Variants in REXO5 observed in about 807,000 individuals in gnomAD.
REXO5 encodes the protein exonuclease NEF-sp.
REXO5 carries 48 observed loss-of-function variants against 88.5 expected under a neutral mutation model. The ratio of observed to expected loss-of-function variants is 0.54; its 90% CI spans 0.43 to 0.69. REXO5 has a LOEUF of 0.69. Ranked by LOEUF, REXO5 falls within the 30% of genes least tolerant of loss-of-function variation. REXO5 has a pLI of 0.00. For synonymous variants in REXO5, 311 were observed against 336.5 expected, an observed-to-expected ratio of 0.92 and a Z score of 0.83; for missense variants, 749 against 912.2, an observed-to-expected ratio of 0.82 and a Z score of 2.30.
At chr16:20,832,605 T>C (rs778796489) in intron 12 of REXO5, among the ~76,000 whole-genome samples, 3 of 152,168 alleles carry the variant, frequency 2.0e-5, no homozygotes, top group Non-Finnish European at 4.4e-5. Flanking sequence ...AGCCTTGTTG[T>C]ATTGCCCAGA....
rs866269806 is a variant in REXO5, at chr16:20,815,111, T to C, written c.378+58T>C. On this transcript the variant is annotated intron_variant, in intron 4 of 19. Transcript: ENST00000261377. ...GTCTGTTTTCCCATTCTGAGACTAATACATGTGTCAGGGACCATGCTCCTT... is the reference window on the plus strand; with the variant it reads ...GTCTGTTTTCCCATTCTGAGACTAACACATGTGTCAGGGACCATGCTCCTT... The C allele has an allele frequency of 1.3e-5, 21 of 1,565,490 alleles. No individual in the cohort carries two copies. The African/African-American group carries it at 2.2e-4, about 16-fold the overall frequency.
At chr16:20,813,439 A>G in intron 3 of REXO5, 137 bp downstream of exon 3, 1 of 551,876 alleles carries the variant, frequency 1.8e-6, no homozygotes, top group Non-Finnish European at 3.1e-6. Flanking sequence ...GCTATGCAGC[A>G]TGTCCTGAAT....
chr16:20,822,388 CT>C (rs1272647059), intron 6 of REXO5, among the ~76,000 whole-genome samples: 1 of 152,056 alleles, frequency 6.6e-6, no homozygotes, highest in Non-Finnish European at 1.5e-5. Flanking sequence ...TCTTTGTTAC[CT>C]CCTAATTATA....
At chr16:20,821,622 T>C in intron 5 of REXO5, 140 bp from the exon 6 acceptor site, 1 of 659,004 alleles carries the variant, frequency 1.5e-6, no homozygotes, top group Non-Finnish European at 2.3e-6. Context: ...TGTAATAGAT[T>C]GCAAGCCCCT....
At chr16:20,844,172 C>A (rs2081572442) in intron 16 of REXO5, 146 bp downstream of exon 16, 2 of 597,806 alleles carry the variant, frequency 3.3e-6, no homozygotes, top group Non-Finnish European at 6.0e-6. Flanking sequence ...GTCTAACATT[C>A]TCCTACTGGC....
At position 20,826,685 on chromosome 16, in the gene REXO5, A is replaced by G. The variant is rs747220569; in HGVS notation, c.822-373A>G. On this transcript the variant is annotated intron_variant, in intron 8 of 19. Transcript: ENST00000261377. ...ATTAGTTAAAATATGCTGTATCTGT[A>G]TAATGGAATACTCTGTAACCATTTA... is the stretch of plus-strand genomic sequence containing the variant. Among the ~76,000 whole-genome samples, 7 of 152,380 alleles carry G rather than the reference A, an allele frequency of 4.6e-5. 1 individual carries two copies. Among genetic ancestry groups the G allele is most frequent in the Non-Finnish European group, 1.0e-4 (7 of 68,040 alleles).
Position 20,806,549 on chromosome 16 carries a change from G to C in REXO5, c.-159G>C. On this transcript the variant is annotated 5_prime_UTR_variant, in exon 1 of 20. Coordinates refer to ENST00000261377, the MANE Select transcript of REXO5 (RefSeq NM_030941.3). ...GTTGTTGTTGGCAGCTGTGGCTAAG[G>C]AGGGGAGAACCTCTGCTCCCCGCCC... The C allele has an allele frequency of 1.3e-6, 2 of 1,516,546 alleles. No individual in the cohort carries two copies. The highest frequency in any genetic ancestry group is 2.5e-5 in the South Asian group (2 of 80,658). The allele number at this position is 1,516,546 out of a possible 1,614,324, so 93.9% of individuals were successfully genotyped here. A position where few individuals can be genotyped will look rare whatever the true frequency, so the allele number is the denominator to read the frequency against.
At chr16:20,842,965 G>T (rs891836258) in intron 15 of REXO5, among the ~76,000 whole-genome samples, 3 of 152,152 alleles carry the variant, frequency 2.0e-5, no homozygotes, top group African/African-American at 7.2e-5. Flanking sequence ...TACCAGCAAA[G>T]AACAAAGGTT....
intron 15 of REXO5, among the ~76,000 whole-genome samples, chr16:20,841,870 A>G (rs1049926134): frequency 6.6e-6 from 1 of 152,214 alleles, no homozygotes. Context: ...TGCTGGGATT[A>G]CAGGCATGAG....
Position 20,832,888 on chromosome 16 carries a change from T to A in REXO5, c.1263-115T>A, listed in dbSNP as rs563791884. On this transcript the variant is annotated intron_variant, in intron 12 of 19. Coordinates refer to ENST00000261377, the MANE Select transcript of REXO5 (RefSeq NM_030941.3). ...ATTTTTAATTTTATTTAATTTTAAT[T>A]TTAATAGCTATATATTGCTAGTGGC... 1.8e-4 allele frequency: 163 copies of A among 905,542 alleles called. No individual in the cohort carries two copies. The East Asian group carries it at 4.1e-3, about 23-fold the overall frequency. 56.1% of individuals were successfully genotyped at this position (905,542 alleles called of 1,614,324 possible).
At chr16:20,808,612 A>ATTTTTT (rs751042762) in intron 2 of REXO5, among the ~76,000 whole-genome samples, 2 of 108,420 alleles carry the variant, frequency 1.8e-5, no homozygotes, top group Non-Finnish European at 1.8e-5. Context: ...TAGGGATGTG[A>ATTTTTT]TTTTTTTTTT....
intron 5 of REXO5, 78 bp downstream of exon 5, chr16:20,816,290 A>G (rs919532153): frequency 4.1e-6 from 5 of 1,226,002 alleles, no homozygotes; most frequent in South Asian, 4.0e-5. Flanking sequence ...TTAGCACAAC[A>G]AAACTCAATT....
At chr16:20,844,556 C>A in intron 16 of REXO5, 73 bp from the exon 17 acceptor site, 1 of 1,318,730 alleles carries the variant, frequency 7.6e-7, no homozygotes, top group Non-Finnish European at 1.1e-6. Context: ...GTAATGGCAA[C>A]AACTTGCTAG....
intron 13 of REXO5, among the ~76,000 whole-genome samples, chr16:20,837,551 C>T (rs1486882201): frequency 6.6e-6 from 1 of 152,140 alleles, no homozygotes; most frequent in Non-Finnish European, 1.5e-5. Context: ...TCTTTCCATG[C>T]TTTTCATTAA....
At chr16:20,839,336 T>C (rs1018954792) in intron 13 of REXO5, among the ~76,000 whole-genome samples, 26 of 152,162 alleles carry the variant, frequency 1.7e-4, no homozygotes, top group African/African-American at 5.6e-4. Context: ...TTTTGGGGTT[T>C]TTTTATGCTT....
At chr16:20,828,412 TC>T in intron 10 of REXO5, 22 bp from the exon 11 acceptor site, 1 of 1,491,820 alleles carries the variant, frequency 6.7e-7, no homozygotes, top group East Asian at 2.3e-5. Context: ...TTCCAGTATG[TC>T]AATTTTATAT....
intron 13 of REXO5, among the ~76,000 whole-genome samples, chr16:20,838,398 T>C (rs1222558512): frequency 6.6e-6 from 1 of 152,234 alleles, no homozygotes; most frequent in Admixed American, 6.5e-5. Flanking sequence ...AAACTTGGGC[T>C]ATGTTTCTTT....
chr16:20,828,167 C>T lies in REXO5; in HGVS notation c.1056-268C>T, dbSNP rs147378307. Among the ~76,000 whole-genome samples the T allele has an allele frequency of 4.6e-3, 694 of 152,254 alleles. 6 individuals carry two copies. Among genetic ancestry groups the T allele is most frequent in the African/African-American group, 0.015 (643 of 41,550 alleles). ...TCCATTTCTTAGAGAAGGGCCTGGC[C>T]AGGGAGTCAGCCAGAAACTTTTTGT... On this transcript the variant is annotated intron_variant, in intron 10 of 19. Coordinates refer to ENST00000261377, the MANE Select transcript of REXO5 (RefSeq NM_030941.3).
intron 11 of REXO5, 49 bp downstream of exon 11, chr16:20,828,586 T>C: frequency 8.0e-7 from 1 of 1,253,114 alleles, no homozygotes; most frequent in Non-Finnish European, 1.2e-6. Context: ...ATCATGGGAC[T>C]AGATCAGATT....
Sources: gnomAD v4.1 joint callset for allele counts (sites outside exome capture counted in the v4.1 genomes callset) on GRCh38, gnomAD v4.1.1 for gene constraint, MANE v1.5 for transcripts, NCBI Gene and HGNC (gene_info 2026-07-23, HGNC 2026-07-21) for gene names.